Variants in EPHA5 observed in about 807,000 individuals in gnomAD.
The protein encoded by EPHA5 is EPH receptor A5.
In EPHA5, 60 loss-of-function variants were observed where a neutral mutation model predicts 105.0. The ratio of observed to expected loss-of-function variants is 0.57; its 90% CI spans 0.46 to 0.71. EPHA5 has a LOEUF of 0.71. Ranked by LOEUF, EPHA5 falls within the 30% of genes least tolerant of loss-of-function variation. EPHA5 has a pLI of 0.00. For synonymous variants in EPHA5, 513 were observed against 449.1 expected, an observed-to-expected ratio of 1.14 and a Z score of -1.80; for missense variants, 1,218 against 1,274.7, an observed-to-expected ratio of 0.96 and a Z score of 0.68.
intron 3 of EPHA5, among the ~76,000 whole-genome samples, chr4:65,532,803 G>C (rs748620982): frequency 8.6e-5 from 13 of 151,200 alleles, no homozygotes; most frequent in Non-Finnish European, 1.8e-4. Flanking sequence ...CAGATCTCAA[G>C]TATTTTCCAG....
At chr4:65,562,768 C>A (rs1003128501) in intron 3 of EPHA5, among the ~76,000 whole-genome samples, 1 of 151,936 alleles carries the variant, frequency 6.6e-6, no homozygotes, top group Non-Finnish European at 1.5e-5. Flanking sequence ...TCTCAAAAGT[C>A]TTCAAGACAC....
rs1330146296 is a variant in EPHA5 at position 65,351,384 on chromosome 4, C to CT, written c.2445+4dup. The CT allele has an allele frequency of 6.2e-7, 1 of 1,613,218 alleles. No individual in the cohort carries two copies. The highest frequency in any genetic ancestry group is 1.3e-5 in the African/African-American group (1 of 74,858). ...TGTTTAGAAATGCACTCTGTTAGAT[C>CT]TTACCCTTGTGGTGTAGGCTGCCTC... On this transcript the variant is annotated splice_donor_region_variant and intron_variant, in intron 13 of 16. Coordinates refer to ENST00000613740, the MANE Select transcript of EPHA5 (RefSeq NM_001281766.3).
chr4:65,545,514 G>C (rs1330869723), intron 3 of EPHA5, among the ~76,000 whole-genome samples: 1 of 151,824 alleles, frequency 6.6e-6, no homozygotes, highest in Non-Finnish European at 1.5e-5. Context: ...TATTTTTTCA[G>C]ACCAAGAGGT....
chr4:65,510,341 G>A (rs965778727), intron 3 of EPHA5, among the ~76,000 whole-genome samples: 5 of 151,730 alleles, frequency 3.3e-5, no homozygotes, highest in East Asian at 1.9e-4. Flanking sequence ...CACTACGCTC[G>A]GTGGATACAT....
chr4:65,331,982 A>G lies in EPHA5; in HGVS notation c.2936T>C (p.Val979Ala), dbSNP rs2148798012. Residue 979 changes from valine to alanine, a missense_variant, in exon 16 of 17, where the codon GTG (valine) becomes GCG (alanine). Coordinates refer to ENST00000613740, the MANE Select transcript of EPHA5 (RefSeq NM_001281766.3). The stretch of plus-strand genomic sequence containing the variant: ...CAGAAAAATTACTCACTCCAAGGTC[A>G]CCTGAGCCACAGCGTCCATTGAACT... ...GYSSMDAVAQ[V>A]TLEDLRRLGV... The G allele has an allele frequency of 3.8e-6, 6 of 1,598,826 alleles. No individual in the cohort carries two copies. Among genetic ancestry groups the G allele is most frequent in the Non-Finnish European group, 5.1e-6 (6 of 1,174,688 alleles).
intron 11 of EPHA5, among the ~76,000 whole-genome samples, chr4:65,361,566 A>G (rs1208585320): frequency 6.6e-6 from 1 of 151,634 alleles, no homozygotes; most frequent in Non-Finnish European, 1.5e-5. Flanking sequence ...AATGTTAGTT[A>G]ATATATAATA....
chr4:65,332,892 T>G (rs1282336079), intron 15 of EPHA5, among the ~76,000 whole-genome samples: 1 of 151,902 alleles, frequency 6.6e-6, no homozygotes, highest in Non-Finnish European at 1.5e-5. Flanking sequence ...TTAAGTAAAT[T>G]TATCTGGAAG....
intron 8 of EPHA5, among the ~76,000 whole-genome samples, chr4:65,371,088 C>CT (rs996497936): frequency 2.0e-5 from 3 of 151,762 alleles, no homozygotes; most frequent in South Asian, 2.1e-4. Context: ...GAAATGATGT[C>CT]TTTTTTTTCT....
intron 3 of EPHA5, among the ~76,000 whole-genome samples, chr4:65,511,344 A>G (rs1344650213): frequency 6.6e-6 from 1 of 152,180 alleles, no homozygotes. Context: ...AACACTTTCT[A>G]GGCGTGGACT....
Position 65,409,130 on chromosome 4 carries a change from A to G in EPHA5, c.1688-4651T>C, listed in dbSNP as rs1334341400. On this transcript the variant is annotated intron_variant, in intron 7 of 16. Coordinates refer to ENST00000613740, the MANE Select transcript of EPHA5 (RefSeq NM_001281766.3). Reference sequence around the variant, plus strand: ...CCGCATATTCTCACTCATAGGTGGGAATTGAACAATGAGAACACATGGACA... The same window carrying G: ...CCGCATATTCTCACTCATAGGTGGGGATTGAACAATGAGAACACATGGACA... Among the ~76,000 whole-genome samples the G allele has an allele frequency of 3.3e-3, 441 of 133,868 alleles. 2 individuals carry two copies. The highest frequency in any genetic ancestry group is 0.012 in the African/African-American group (415 of 35,772). The allele number at this position is 133,868 out of a possible 152,430, so 87.8% of individuals were successfully genotyped here. A position where few individuals can be genotyped will look rare whatever the true frequency, so the allele number is the denominator to read the frequency against.
At chr4:65,404,544 T>C in intron 7 of EPHA5, 65 bp from the exon 8 acceptor site, 1 of 1,416,392 alleles carries the variant, frequency 7.1e-7, no homozygotes, top group Non-Finnish European at 9.9e-7. Flanking sequence ...AAATAAAAGT[T>C]GCTTAATAGA....
chr4:65,533,461 G>C (rs1736012571), intron 3 of EPHA5, among the ~76,000 whole-genome samples: 1 of 152,088 alleles, frequency 6.6e-6, no homozygotes, highest in South Asian at 2.1e-4. Context: ...GGAAGTGTCT[G>C]AATTACAACT....
chr4:65,665,931 C>T (rs900734744), intron 1 of EPHA5, among the ~76,000 whole-genome samples: 2 of 152,234 alleles, frequency 1.3e-5, no homozygotes, highest in Non-Finnish European at 1.5e-5. Flanking sequence ...AATGATTTTA[C>T]TGTCCTTTTT....
intron 6 of EPHA5, among the ~76,000 whole-genome samples, chr4:65,419,555 C>T (rs1723741330): frequency 6.6e-6 from 1 of 152,102 alleles, no homozygotes; most frequent in Admixed American, 6.6e-5. Context: ...CTCTCCAACC[C>T]ACTTCTCAAA....
At chr4:65,564,469 A>T (rs536798174) in intron 3 of EPHA5, among the ~76,000 whole-genome samples, 1 of 151,878 alleles carries the variant, frequency 6.6e-6, no homozygotes, top group African/African-American at 2.4e-5. Flanking sequence ...ATTAACCGCC[A>T]TACGTTTTGC....
chr4:65,413,178 G>T (rs1472944797), intron 7 of EPHA5, among the ~76,000 whole-genome samples: 1 of 151,948 alleles, frequency 6.6e-6, no homozygotes, highest in East Asian at 1.9e-4. Context: ...AGTAAGAAAA[G>T]AAAATTTTCT....
At chr4:65,412,330 A>G (rs1466700777) in intron 7 of EPHA5, among the ~76,000 whole-genome samples, 1 of 152,150 alleles carries the variant, frequency 6.6e-6, no homozygotes, top group East Asian at 1.9e-4. Flanking sequence ...GTCTGGAGAG[A>G]AGTTTCCATG....
intron 5 of EPHA5, among the ~76,000 whole-genome samples, chr4:65,485,245 C>T (rs1044866157): frequency 6.6e-6 from 1 of 151,976 alleles, no homozygotes; most frequent in African/African-American, 2.4e-5. Context: ...ATATAACTAA[C>T]ATATTGACAT....
rs1456427052 is a variant in EPHA5, at chr4:65,320,496, T to C, written c.*3618A>G. 2 of 229,320 alleles carry C rather than the reference T, an allele frequency of 8.7e-6. No homozygotes were observed. The highest frequency in any genetic ancestry group is 1.7e-5 in the Non-Finnish European group (2 of 115,590). The allele number at this position is 229,320 out of a possible 1,614,324, so 14.2% of individuals were successfully genotyped here. A position where few individuals can be genotyped will look rare whatever the true frequency, so the allele number is the denominator to read the frequency against. On this transcript the variant is annotated 3_prime_UTR_variant, in exon 17 of 17. Coordinates refer to ENST00000613740, the MANE Select transcript of EPHA5 (RefSeq NM_001281766.3). Reference sequence around the variant, plus strand: ...ATGAGAAAGGGACCTTATTCTACTATGTAATATAATACATCTAATAAATTT... The same window carrying C: ...ATGAGAAAGGGACCTTATTCTACTACGTAATATAATACATCTAATAAATTT...
Sources: allele counts gnomAD v4.1 joint callset (sites outside exome capture counted in the v4.1 genomes callset), GRCh38; gene constraint gnomAD v4.1.1; transcripts MANE v1.5; gene names NCBI Gene and HGNC (gene_info 2026-07-23, HGNC 2026-07-21).